The following CEP250 variants were observed in gnomAD, a reference collection of about 807,000 sequenced individuals.
CEP250 encodes the protein centrosomal protein 250.
CEP250 carries 242 observed loss-of-function variants against 315.7 expected under a neutral mutation model. That is an observed-to-expected ratio of 0.77 (90% confidence interval 0.69 to 0.85). The LOEUF (loss-of-function observed/expected upper bound fraction) is 0.85, where lower values mean the gene tolerates loss of function less well. CEP250 is among the 40% of genes least tolerant of loss of function. The probability of loss-of-function intolerance (pLI) is 0.00; values close to 1 mark genes in which losing one functional copy is unlikely to be tolerated. For missense variants in CEP250, 2,515 were observed against 2,886.4 expected (o/e 0.87, Z 2.95); for synonymous variants, 1,088 against 1,175.0 (o/e 0.93, Z 1.51).
chr20:35,455,347 T>C (rs2062592084), upstream of CEP250: 1 of 152,278 alleles, frequency 6.6e-6, no homozygotes, highest in Non-Finnish European at 1.5e-5. Flanking sequence ...CAGCGGCCTC[T>C]TGTTACCCGG....
At chr20:35,484,962 C>T (rs1282483459) in intron 20 of CEP250, among the ~76,000 whole-genome samples, 1 of 151,118 alleles carries the variant, frequency 6.6e-6, no homozygotes, top group Non-Finnish European at 1.5e-5. Flanking sequence ...AATGTAAAGG[C>T]TGGGTGCAGT....
chr20:35,464,343 C>G (rs1021534294), intron 5 of CEP250, among the ~76,000 whole-genome samples: 2 of 152,166 alleles, frequency 1.3e-5, no homozygotes, highest in African/African-American at 2.4e-5. Flanking sequence ...CCTACTTACT[C>G]TGTCGCCCAG....
At chr20:35,465,715 A>T (rs1412448019) in intron 5 of CEP250, 28 bp from the exon 6 acceptor site, 1 of 1,534,160 alleles carries the variant, frequency 6.5e-7, no homozygotes. Context: ...CTTTGGAGGT[A>T]AGTAAGGCTT....
chr20:35,483,201 TCCTAGCTATTAGGGAGGCTGAG>T, intron 20 of CEP250, among the ~76,000 whole-genome samples: 1 of 151,868 alleles, frequency 6.6e-6, no homozygotes, highest in East Asian at 1.9e-4. Flanking sequence ...ATGTCTGTAA[TCCTAGCTATTAGGGAGGCTGAG>T]GCAGGAGAAT....
At chr20:35,459,752 G>A (rs1170558999) in intron 2 of CEP250, among the ~76,000 whole-genome samples, 1 of 151,990 alleles carries the variant, frequency 6.6e-6, no homozygotes, top group Non-Finnish European at 1.5e-5. Context: ...CTCCAGCCTG[G>A]GTGACAGAGC....
Position 35,490,746 on chromosome 20 carries a change from A to T in CEP250, c.2696A>T (p.Glu899Val), listed in dbSNP as rs1219805764. Residue 899 changes from glutamate to valine, a missense_variant, in exon 21 of 35, where the codon GAG becomes GTG. Physicochemically the swap from Glu to Val is moderately radical, Grantham distance 121. Transcript: ENST00000397527. ...CTAAAGGAGCAGCAGACAGAAATGGAGGCCATCCAGGCCCAGAGGGAAGAA... is the reference window on the plus strand; with the variant it reads ...CTAAAGGAGCAGCAGACAGAAATGGTGGCCATCCAGGCCCAGAGGGAAGAA... ...MRLKEQQTEM[E>V]AIQAQREEER... is the part of the protein sequence containing the mutation. The T allele has an allele frequency of 1.9e-6, 3 of 1,613,790 alleles. No individual in the cohort carries two copies. The highest frequency in any genetic ancestry group is 2.5e-6 in the Non-Finnish European group (3 of 1,179,986).
intron 25 of CEP250, 51 bp from the exon 26 acceptor site, chr20:35,497,668 G>A (rs1032861374): frequency 7.5e-7 from 1 of 1,339,932 alleles, no homozygotes; most frequent in Non-Finnish European, 1.0e-6. Flanking sequence ...GAAGGCCTGA[G>A]GAGAGGGTAT....
At position 35,494,554 on chromosome 20, in the gene CEP250, C is replaced by T; in HGVS notation, c.3064C>T (p.Gln1022Ter). The change falls in exon 24 of 35, where the codon CAG becomes TAG. Residue 1022 changes from glutamine (Q) to a stop codon, truncating the protein, a stop_gained. Transcript: ENST00000397527. LOFTEE classifies it high-confidence loss of function. ...VEDLKSQLVA[Q>*]DDSQRLVEQE... ...GGACTTGAAGTCTCAGCTGGTGGCC[C>T]AGGATGACTCCCAGAGGCTGGTGGA... 6.2e-7 allele frequency: 1 copy of T among 1,614,010 alleles called. No homozygotes were observed. Among genetic ancestry groups the T allele is most frequent in the Non-Finnish European group, 8.5e-7 (1 of 1,180,014 alleles).
chr20:35,456,344 C>T (rs1266638598), intron 1 of CEP250, among the ~76,000 whole-genome samples: 1 of 152,104 alleles, frequency 6.6e-6, no homozygotes, highest in East Asian at 1.9e-4. Context: ...GGAAACTGTC[C>T]CCAGGGCATT....
At chr20:35,479,942 G>A (rs770524519) in intron 19 of CEP250, 34 bp from the exon 20 acceptor site, 2 of 1,608,592 alleles carry the variant, frequency 1.2e-6, no homozygotes, top group Non-Finnish European at 1.7e-6. Flanking sequence ...TAAAAGGAGG[G>A]GGCGGAGGCC....
chr20:35,485,018 G>A (rs1479139636), intron 20 of CEP250, among the ~76,000 whole-genome samples: 3 of 146,318 alleles, frequency 2.1e-5, no homozygotes, highest in East Asian at 2.0e-4. Flanking sequence ...GAGGCAGGAC[G>A]ATTGGTTGAG....
Position 35,491,361 on chromosome 20 carries a change from C to A in CEP250, c.2889+15C>A. 1 of 1,576,720 alleles carries A rather than the reference C, an allele frequency of 6.3e-7. No homozygotes were observed. The highest frequency in any genetic ancestry group is 8.6e-7 in the Non-Finnish European group (1 of 1,161,074). ...TAAAGGAGCAGGTATGGAGGGTGGT[C>A]TCGGGAGTAGGGGAGAAAGGGGCAC... On this transcript the variant is annotated intron_variant, in intron 22 of 34. Transcript: ENST00000397527.
chr20:35,507,474 G>C (rs182877738), intron 30 of CEP250, among the ~76,000 whole-genome samples: 94 of 152,324 alleles, frequency 6.2e-4, no homozygotes, highest in Non-Finnish European at 1.2e-3. Context: ...TCATTGCTCA[G>C]CCTTCTAGGA....
chr20:35,477,861 T>C lies in CEP250; in HGVS notation c.1864-10T>C. The C allele has an allele frequency of 1.3e-6, 2 of 1,565,464 alleles. No homozygotes were observed. The highest frequency in any genetic ancestry group is 2.3e-5 in the East Asian group (1 of 42,880). ...TGATGCTTGTACTCCCTTCCCTTTT[T>C]GGCCAGTAGTTAGAGGAGGAGAACC... On this transcript the variant is annotated splice_polypyrimidine_tract_variant and intron_variant, in intron 16 of 34. Transcript: ENST00000397527.
chr20:35,503,083 C>A lies in CEP250; in HGVS notation c.4714C>A (p.Gln1572Lys). Residue 1572 changes from glutamine to lysine, a missense_variant, in exon 30 of 35, where the codon CAG (glutamine) becomes AAG (lysine). By Grantham distance (53) the Gln-to-Lys change is moderately conservative. Transcript: ENST00000397527. This position sits in a 1 kb window ranked among gnomAD's most constrained non-coding sequence, Gnocchi z 4.2. ...GGAAAACCATCACAAGATGGAGTGC[C>A]AGCAAAAACTGATCAAGGAGCTGGA... ...LEENHHKMEC[Q>K]QKLIKELEGQ... 1.2e-6 allele frequency: 2 copies of A among 1,614,142 alleles called. No homozygotes were observed. The highest frequency in any genetic ancestry group is 1.6e-4 in the Middle Eastern group (1 of 6,062).
intron 20 of CEP250, among the ~76,000 whole-genome samples, chr20:35,483,944 A>G (rs950462896): frequency 6.7e-6 from 1 of 150,360 alleles, no homozygotes; most frequent in Non-Finnish European, 1.5e-5. Context: ...TTATTTTTTC[A>G]TATCTTCTTG....
intron 32 of CEP250, among the ~76,000 whole-genome samples, chr20:35,508,601 C>T (rs1459523298): frequency 6.6e-6 from 1 of 152,214 alleles, no homozygotes; most frequent in Non-Finnish European, 1.5e-5. Context: ...GTGTGAGCCA[C>T]CACGCCCAGC....
chr20:35,496,181 A>C (rs2063829256), intron 24 of CEP250, among the ~76,000 whole-genome samples: 1 of 152,072 alleles, frequency 6.6e-6, no homozygotes, highest in Non-Finnish European at 1.5e-5. Context: ...AGAGAAGAAT[A>C]AGGTTGATAG....
At position 35,512,005 on chromosome 20, in the gene CEP250, G is replaced by A; in HGVS notation, c.*379G>A. ...TGCTGCTGTCTCCACTTGTGCAGCTGGGTGGCAGCACCACATCAAGGGAGT... is the reference window on the plus strand; with the variant it reads ...TGCTGCTGTCTCCACTTGTGCAGCTAGGTGGCAGCACCACATCAAGGGAGT... On this transcript the variant is annotated 3_prime_UTR_variant, in exon 35 of 35. Coordinates refer to ENST00000397527, the MANE Select transcript of CEP250 (RefSeq NM_007186.6). 9.6e-7 allele frequency: 1 copy of A among 1,041,442 alleles called. No individual in the cohort carries two copies. Among genetic ancestry groups the A allele is most frequent in the Non-Finnish European group, 1.2e-6 (1 of 866,016 alleles). The allele number at this position is 1,041,442 out of a possible 1,614,324, so 64.5% of individuals were successfully genotyped here. A position where few individuals can be genotyped will look rare whatever the true frequency, so the allele number is the denominator to read the frequency against.
Sources: gnomAD v4.1 joint callset for allele counts (sites outside exome capture counted in the v4.1 genomes callset) on GRCh38, gnomAD v4.1.1 for gene constraint, Gnocchi (gnomAD v3.1) non-coding constraint, MANE v1.5 for transcripts, NCBI Gene and HGNC (gene_info 2026-07-23, HGNC 2026-07-21) for gene names.